The following POLD1 variants were observed in gnomAD, a reference collection of about 807,000 sequenced individuals.
POLD1 encodes the protein DNA polymerase delta 1, catalytic subunit.
POLD1 carries 79 observed loss-of-function variants against 129.7 expected under a neutral mutation model. The observed-to-expected ratio is 0.61, with a 90% CI of 0.51 to 0.73. POLD1 has a LOEUF of 0.73. Ranked by LOEUF, POLD1 falls within the 30% of genes least tolerant of loss-of-function variation. The pLI is 0.00. For synonymous variants in POLD1, 714 were observed against 683.3 expected, an observed-to-expected ratio of 1.04 and a Z score of -0.70; for missense variants, 1,338 against 1,595.8, an observed-to-expected ratio of 0.84 and a Z score of 2.75.
At chr19:50,415,662 C>T in intron 21 of POLD1, 62 bp from the exon 22 acceptor site, 1 of 1,505,192 alleles carries the variant, frequency 6.6e-7, no homozygotes, top group Non-Finnish European at 9.0e-7. Flanking sequence ...ACTTCCTACA[C>T]CCTCGCCCCC....
chr19:50,406,156 C>A lies in POLD1; in HGVS notation c.1243-26C>A, dbSNP rs1479293311. 3 of 1,605,944 alleles carry A rather than the reference C, an allele frequency of 1.9e-6. No homozygotes were observed. Among genetic ancestry groups the A allele is most frequent in the Admixed American group, 3.3e-5 (2 of 59,758 alleles). The stretch of plus-strand genomic sequence containing the variant: ...TTATGTGACGGGGACCCGCAGCCTG[C>A]TGCACACCCTGCCTCTCCTCCTCAG... On this transcript the variant is annotated intron_variant, in intron 10 of 26. Coordinates refer to ENST00000440232, the MANE Select transcript of POLD1 (RefSeq NM_002691.4). This position sits in a 1 kb window ranked among gnomAD's most constrained non-coding sequence, Gnocchi z 5.5.
In POLD1 at chr19:50,399,036, TG is replaced by T; in HGVS notation, c.187del (p.Glu63ArgfsTer13). The T allele has an allele frequency of 6.4e-7, 1 of 1,554,668 alleles. No homozygotes were observed. Among genetic ancestry groups the T allele is most frequent in the Non-Finnish European group, 8.7e-7 (1 of 1,148,922 alleles). The stretch of plus-strand genomic sequence containing the variant: ...GAGGAGGAGGAGCTGCAGTCAGTCC[TG>T]GAGGGGGTTGCAGACGGTAAGGCTT... ...EQEEEELQSVLEGVADGQVPP... is the reference protein window; with the variant it reads ...EQEEEELQSVXEGVADGQVPP... On this transcript the variant is annotated frameshift_variant, in exon 2 of 27. Transcript: ENST00000440232. LOFTEE classifies it high-confidence loss of function.
chr19:50,409,631 C>T lies in POLD1; in HGVS notation c.2119C>T (p.Gln707Ter), dbSNP rs2122388980. 1 of 1,607,896 alleles carries T rather than the reference C, an allele frequency of 6.2e-7. No homozygotes were observed. The highest frequency in any genetic ancestry group is 8.5e-7 in the Non-Finnish European group (1 of 1,175,760). Residue 707 changes from glutamine to a stop codon, truncating the protein, a stop_gained, in exon 17 of 27, where the codon CAG becomes TAG. Coordinates refer to ENST00000440232, the MANE Select transcript of POLD1 (RefSeq NM_002691.4). LOFTEE classifies it high-confidence loss of function. This position sits in a 1 kb window ranked among gnomAD's most constrained non-coding sequence, Gnocchi z 5.8. ...CTCCGTATACGGCTTCACTGGCGCC[C>T]AGGTGGGCAAGTTGCCGTGCCTGGA... ...ANSVYGFTGA[Q>*]VGKLPCLEIS...
intron 17 of POLD1, among the ~76,000 whole-genome samples, chr19:50,412,286 G>A (rs1451280328): frequency 1.3e-5 from 2 of 152,122 alleles, no homozygotes; most frequent in Admixed American, 1.3e-4. Flanking sequence ...CTGAGTAGCT[G>A]GGATTACAGG....
At chr19:50,392,603 A>G (rs1416777548) in intron 1 of POLD1, among the ~76,000 whole-genome samples, 1 of 151,984 alleles carries the variant, frequency 6.6e-6, no homozygotes, top group Non-Finnish European at 1.5e-5. Flanking sequence ...TCAGCCTCCC[A>G]AGTAGCTGGT....
rs3219450 is a variant in POLD1, at chr19:50,417,592, G to A, written c.3219-250G>A. ...TTTCCCCAGGGAACGGGTAGGCGGG[G>A]TGGGTTCCCACGCCAGGTGACAGGT... On this transcript the variant is annotated intron_variant, in intron 26 of 26. Transcript: ENST00000440232. 7.2e-4 allele frequency among the ~76,000 whole-genome samples: 109 copies of A among 152,238 alleles called. 4 individuals are homozygous for A. The South Asian group carries it at 0.022, about 30-fold the overall frequency.
intron 1 of POLD1, among the ~76,000 whole-genome samples, 192 bp downstream of exon 1, chr19:50,384,582 T>G (rs1281002088): frequency 7.9e-5 from 7 of 88,864 alleles, no homozygotes; most frequent in South Asian, 7.4e-4. Flanking sequence ...GGGGTGGGGG[T>G]GGAATTCCTC....
intron 1 of POLD1, among the ~76,000 whole-genome samples, chr19:50,395,427 C>CA (rs1363760045): frequency 6.6e-6 from 1 of 151,704 alleles, no homozygotes; most frequent in Non-Finnish European, 1.5e-5. Flanking sequence ...ACTAAAAATA[C>CA]AAAAAAATTA....
chr19:50,407,608 G>T (rs1435394428), intron 14 of POLD1, among the ~76,000 whole-genome samples, 193 bp downstream of exon 14: 2 of 151,230 alleles, frequency 1.3e-5, no homozygotes, highest in East Asian at 2.0e-4. Context: ...ACCCAGGCTG[G>T]AGTGCAGTGG....
rs2038462205 is a variant in POLD1, at chr19:50,398,712, G to A, written c.-1-139G>A. The A allele has an allele frequency of 8.0e-6, 11 of 1,367,332 alleles. No individual in the cohort carries two copies. The South Asian group carries it at 8.2e-5, about 10-fold the overall frequency. The allele number at this position is 1,367,332 out of a possible 1,614,324, so 84.7% of individuals were successfully genotyped here. A position where few individuals can be genotyped will look rare whatever the true frequency, so the allele number is the denominator to read the frequency against. ...TGTGCTCCCACCCCACTGCCTGCAG[G>A]GTGCAGAGAGCTATGTTAGTACAGC... On this transcript the variant is annotated intron_variant, in intron 1 of 26. Coordinates refer to ENST00000440232, the MANE Select transcript of POLD1 (RefSeq NM_002691.4).
At chr19:50,410,188 C>T (rs1173562487) in intron 17 of POLD1, among the ~76,000 whole-genome samples, 1 of 152,228 alleles carries the variant, frequency 6.6e-6, no homozygotes, top group African/African-American at 2.4e-5. Flanking sequence ...AACAGAAAAA[C>T]AGATTCTTTG....
intron 22 of POLD1, 69 bp downstream of exon 22, chr19:50,415,895 G>A (rs949039687): frequency 1.9e-5 from 23 of 1,193,652 alleles, no homozygotes; most frequent in East Asian, 1.3e-4. Flanking sequence ...CGAGATGGGC[G>A]GGCCTGCGGG....
chr19:50,399,353 C>G lies in POLD1; in HGVS notation c.203-18C>G, dbSNP rs748458174. The G allele has an allele frequency of 6.3e-7, 1 of 1,592,170 alleles. No homozygotes were observed. The highest frequency in any genetic ancestry group is 8.6e-7 in the Non-Finnish European group (1 of 1,160,300). On this transcript the variant is annotated intron_variant, in intron 2 of 26. Transcript: ENST00000440232. ...ACCATGACTCCATGTACTCCACTTC[C>G]TTCCCTTCCCCCACCAGGGCAGGTC...
chr19:50,400,211 ATTT>A (rs549820323), intron 3 of POLD1, among the ~76,000 whole-genome samples: 21 of 67,814 alleles, frequency 3.1e-4, no homozygotes, highest in African/African-American at 1.4e-3. Context: ...CTGGCCAATA[ATTT>A]TTTTTTTTTT....
intron 17 of POLD1, chr19:50,410,957 C>CTTTTTTTTTGTTTTT (rs2039067816): frequency 8.0e-6 from 1 of 124,250 alleles, no homozygotes; most frequent in Non-Finnish European, 1.6e-5. Flanking sequence ...ACACAAACAC[C>CTTTTTTTTTGTTTTT]TTTTTTTTTT....
At chr19:50,402,963 G>C in intron 8 of POLD1, 90 bp from the exon 9 acceptor site, 1 of 1,488,810 alleles carries the variant, frequency 6.7e-7, no homozygotes, top group Non-Finnish European at 9.1e-7. Context: ...AGGCAGCGGG[G>C]ACAGCCCCGG....
chr19:50,416,873 G>C, intron 24 of POLD1, 150 bp downstream of exon 24: 1 of 952,304 alleles, frequency 1.1e-6, no homozygotes, highest in Middle Eastern at 3.3e-4. Context: ...CCCCCACAGA[G>C]GGTCCTCGGC....
intron 10 of POLD1, among the ~76,000 whole-genome samples, chr19:50,405,198 A>G (rs2038831379): frequency 6.6e-6 from 1 of 152,204 alleles, no homozygotes; most frequent in Non-Finnish European, 1.5e-5. Flanking sequence ...GGTGTGAGCC[A>G]GTGCACCTAG....
intron 17 of POLD1, among the ~76,000 whole-genome samples, chr19:50,412,734 G>A: frequency 6.7e-6 from 1 of 150,292 alleles, no homozygotes; most frequent in Admixed American, 6.6e-5. Context: ...GGTGGTGGTG[G>A]TGGTGTTGTT....
Sources: gnomAD v4.1 joint callset for allele counts (sites outside exome capture counted in the v4.1 genomes callset) on GRCh38, gnomAD v4.1.1 for gene constraint, Gnocchi (gnomAD v3.1) non-coding constraint, MANE v1.5 for transcripts, NCBI Gene and HGNC (gene_info 2026-07-23, HGNC 2026-07-21) for gene names.